Variants in GNAL observed in about 807,000 individuals in gnomAD.
GNAL encodes the protein guanine nucleotide-binding protein G(olf) subunit alpha.
A neutral mutation model predicts 55.1 loss-of-function variants in GNAL; 18 were observed. That is an observed-to-expected ratio of 0.33 (90% CI 0.23 to 0.48). The LOEUF (loss-of-function observed/expected upper bound fraction) is 0.48. Ranked by LOEUF, GNAL falls within the 20% of genes least tolerant of loss-of-function variation. GNAL has a pLI of 0.99. For missense variants in GNAL, 412 were observed against 614.1 expected (o/e 0.67, Z 3.48); for synonymous variants, 253 against 237.0 (o/e 1.07, Z -0.62).
chr18:11,741,512 C>T (rs1016601529), intron 1 of GNAL, among the ~76,000 whole-genome samples: 9 of 152,242 alleles, frequency 5.9e-5, no homozygotes, highest in Non-Finnish European at 1.0e-4. Context: ...GAGAACTTGA[C>T]TGCAGGTCCA....
chr18:11,734,193 G>A (rs1303689264), intron 1 of GNAL, among the ~76,000 whole-genome samples: 1 of 150,522 alleles, frequency 6.6e-6, no homozygotes, highest in African/African-American at 2.4e-5. Flanking sequence ...CACCAGACTG[G>A]AGTGCAGTGG....
chr18:11,816,258 C>T (rs2034951437), intron 4 of GNAL, among the ~76,000 whole-genome samples: 1 of 152,036 alleles, frequency 6.6e-6, no homozygotes, highest in African/African-American at 2.4e-5. Context: ...CATGATATAT[C>T]CATAAAATGG....
chr18:11,698,759 G>A (rs1254945550), intron 1 of GNAL, among the ~76,000 whole-genome samples: 1 of 152,118 alleles, frequency 6.6e-6, no homozygotes, highest in Non-Finnish European at 1.5e-5. Context: ...GGGCAGGAGA[G>A]GAATTGTCAA....
At chr18:11,690,327 GTTTGT>G (rs2031203294) in intron 1 of GNAL, among the ~76,000 whole-genome samples, 1 of 152,154 alleles carries the variant, frequency 6.6e-6, no homozygotes, top group Admixed American at 6.5e-5. Flanking sequence ...GAGGCTGGCA[GTTTGT>G]TTTAAGAACA....
intron 4 of GNAL, among the ~76,000 whole-genome samples, chr18:11,763,941 GCAGA>G (rs2033324210): frequency 6.6e-6 from 1 of 152,130 alleles, no homozygotes; most frequent in Non-Finnish European, 1.5e-5. Context: ...TGGAGCAACA[GCAGA>G]GAAGTGATCA....
chr18:11,857,360 A>G (rs1194163456), intron 5 of GNAL: 12 of 386,412 alleles, frequency 3.1e-5, no homozygotes, highest in African/African-American at 4.4e-5. Context: ...AAAGGGGGAA[A>G]AAAAGCAGGA....
At chr18:11,716,252 G>A (rs542378806) in intron 1 of GNAL, among the ~76,000 whole-genome samples, 1 of 152,342 alleles carries the variant, frequency 6.6e-6, no homozygotes, top group South Asian at 2.1e-4. Context: ...CGCGGTGAGT[G>A]TTACAGTTCT....
chr18:11,875,443 G>A (rs1165560536), intron 10 of GNAL, among the ~76,000 whole-genome samples: 1 of 152,204 alleles, frequency 6.6e-6, no homozygotes, highest in Non-Finnish European at 1.5e-5. Context: ...GTTTGAGGTG[G>A]GGCCTGGTGG....
chr18:11,818,131 G>T (rs969591489), intron 4 of GNAL, among the ~76,000 whole-genome samples: 4 of 151,904 alleles, frequency 2.6e-5, no homozygotes, highest in Admixed American at 2.6e-4. Flanking sequence ...TAGTCAGGAG[G>T]CTGAGGCACG....
chr18:11,813,741 A>G (rs1459792612), intron 4 of GNAL, among the ~76,000 whole-genome samples: 1 of 152,090 alleles, frequency 6.6e-6, no homozygotes, highest in Admixed American at 6.5e-5. Context: ...TGTCAAGCGC[A>G]GTGGCATGTG....
At chr18:11,864,115 T>C (rs145633950) in intron 6 of GNAL, among the ~76,000 whole-genome samples, 168 of 135,160 alleles carry the variant, frequency 1.2e-3, no homozygotes, top group African/African-American at 5.2e-3. Context: ...TGAGACGGAG[T>C]CTCACTCGTC....
intron 4 of GNAL, among the ~76,000 whole-genome samples, chr18:11,805,865 A>G (rs562526472): frequency 2.0e-5 from 3 of 152,294 alleles, no homozygotes; most frequent in South Asian, 2.1e-4. Flanking sequence ...ATATATACCT[A>G]GTAGTGAGAT....
At position 11,746,437 on chromosome 18, in the gene GNAL, C is replaced by G. The variant is rs1177639662; in HGVS notation, c.377-6416C>G. The G allele has an allele frequency of 3.2e-5, 8 of 247,692 alleles. No homozygotes were observed. The East Asian group carries it at 7.1e-4, about 22-fold the overall frequency. The allele number at this position is 247,692 out of a possible 1,614,324, so 15.3% of individuals were successfully genotyped here. A position where few individuals can be genotyped will look rare whatever the true frequency, so the allele number is the denominator to read the frequency against. Reference sequence around the variant, plus strand: ...CCAGCTTGGGCAACATAGCAAGACCCCATCTCTACAGAAAATTTAAAAATT... The same window carrying G: ...CCAGCTTGGGCAACATAGCAAGACCGCATCTCTACAGAAAATTTAAAAATT... On this transcript the variant is annotated intron_variant, in intron 1 of 11. Coordinates refer to ENST00000334049, the MANE Select transcript of GNAL (RefSeq NM_182978.4).
At chr18:11,776,067 C>G (rs1390336762) in intron 4 of GNAL, among the ~76,000 whole-genome samples, 2 of 152,168 alleles carry the variant, frequency 1.3e-5, no homozygotes, top group Admixed American at 6.5e-5. Flanking sequence ...CATGGTTGCC[C>G]AACTGATAGC....
Position 11,885,682 on chromosome 18 carries a change from G to A in GNAL, c.*4547G>A, listed in dbSNP as rs3208942. Reference sequence around the variant, plus strand: ...AAATAAACTTTCACGTTACCATGATGAAACTGGGGTTGTTTCTGTTCCTCC... The same window carrying A: ...AAATAAACTTTCACGTTACCATGATAAAACTGGGGTTGTTTCTGTTCCTCC... On this transcript the variant is annotated 3_prime_UTR_variant, in exon 12 of 12. Coordinates refer to ENST00000334049, the MANE Select transcript of GNAL (RefSeq NM_182978.4). The A allele has an allele frequency of 1.2e-6, 2 of 1,612,364 alleles. No individual in the cohort carries two copies. The highest frequency in any genetic ancestry group is 2.2e-5 in the South Asian group (2 of 91,000).
chr18:11,752,371 C>G lies in GNAL; in HGVS notation c.377-482C>G, dbSNP rs2032876324. 6 of 1,553,188 alleles carry G rather than the reference C, an allele frequency of 3.9e-6. No individual in the cohort carries two copies. The South Asian group carries it at 6.0e-5, about 15-fold the overall frequency. On this transcript the variant is annotated intron_variant, in intron 1 of 11. Coordinates refer to ENST00000334049, the MANE Select transcript of GNAL (RefSeq NM_182978.4). The surrounding 1 kb of genome is among the most constrained non-coding windows in gnomAD (Gnocchi z 4.5). ...GCCGTCGCAGGAGCCGCACACGTCTCCAACTCTCTATTGCTTTTTGCGCAC... is the reference window on the plus strand; with the variant it reads ...GCCGTCGCAGGAGCCGCACACGTCTGCAACTCTCTATTGCTTTTTGCGCAC...
At chr18:11,877,972 C>T (rs947884278) in intron 11 of GNAL, among the ~76,000 whole-genome samples, 8 of 152,224 alleles carry the variant, frequency 5.3e-5, no homozygotes, top group South Asian at 2.1e-4. Context: ...AGAGCCTTTA[C>T]TTAAGCCAAT....
intron 7 of GNAL, 148 bp from the exon 8 acceptor site, chr18:11,867,020 G>C (rs879283268): frequency 2.0e-5 from 14 of 686,810 alleles, no homozygotes; most frequent in Admixed American, 6.5e-5. Flanking sequence ...ATCACACAGG[G>C]AGTGATGGTG....
intron 1 of GNAL, among the ~76,000 whole-genome samples, chr18:11,706,891 T>A (rs2031726223): frequency 6.6e-6 from 1 of 152,222 alleles, no homozygotes; most frequent in South Asian, 2.1e-4. Flanking sequence ...CTCAAAGCAA[T>A]CCATGAGGGT....
Sources: allele counts gnomAD v4.1 joint callset (sites outside exome capture counted in the v4.1 genomes callset), GRCh38; gene constraint gnomAD v4.1.1; non-coding constraint Gnocchi (gnomAD v3.1); transcripts MANE v1.5; gene names NCBI Gene and HGNC (gene_info 2026-07-23, HGNC 2026-07-21).